SLC27A6: variants seen among roughly 807,000 people sequenced by gnomAD.
SLC27A6 encodes long-chain fatty acid transport protein 6.
In SLC27A6, 74 loss-of-function variants were observed where a neutral mutation model predicts 63.9. That is an observed-to-expected ratio of 1.16 (90% CI 0.96 to 1.40). SLC27A6 has a LOEUF of 1.40. Ranked by LOEUF, SLC27A6 falls within the 40% of genes most tolerant of loss-of-function variation. The pLI, the probability that SLC27A6 is intolerant of heterozygous loss-of-function variation, is 0.00. For synonymous variants in SLC27A6, 287 were observed against 260.8 expected (o/e 1.10, Z -0.97); for missense variants, 794 against 732.9 (o/e 1.08, Z -0.96).
rs936696720 is a variant in SLC27A6 at position 129,006,467 on chromosome 5, G to A, written c.970-9418G>A. On this transcript the variant is annotated intron_variant, in intron 4 of 9. Coordinates refer to ENST00000262462, the MANE Select transcript of SLC27A6 (RefSeq NM_001017372.3). ...CATGAGTGTGTGTGTGTGTGTGTGT[G>A]TGTGTGTGTGTGTGTGTTGTGTGTC... 1.2e-3 allele frequency among the ~76,000 whole-genome samples: 178 copies of A among 151,528 alleles called. 2 individuals carry two copies. The highest frequency in any genetic ancestry group is 4.1e-3 in the African/African-American group (169 of 41,302).
rs538154511 is a variant in SLC27A6, at chr5:129,028,467, A to G, written c.1552+25A>G. The G allele has an allele frequency of 6.5e-6, 9 of 1,386,900 alleles. No homozygotes were observed. The East Asian group carries it at 9.3e-5, about 14-fold the overall frequency. 85.9% of individuals were successfully genotyped at this position (1,386,900 alleles called of 1,614,324 possible). On this transcript the variant is annotated intron_variant, in intron 8 of 9. Transcript: ENST00000262462. ...GGTATAAATATATTTCAGATTTTGG[A>G]AAGATTCTTAGAATAGAATTGCCAC...
rs1193207750 is a variant in SLC27A6, at chr5:128,965,627, C to T, written c.-511C>T. ...CCCGGCTCGAATTCAGCCTCCAACT[C>T]AAGCTCGCGGGAAAGACTACCTGAG... On this transcript the variant is annotated 5_prime_UTR_variant, in exon 1 of 10. Coordinates refer to ENST00000262462, the MANE Select transcript of SLC27A6 (RefSeq NM_001017372.3). 1 of 153,046 alleles carries T rather than the reference C, an allele frequency of 6.5e-6. No homozygotes were observed. The highest frequency in any genetic ancestry group is 1.5e-5 in the Non-Finnish European group (1 of 68,652). The allele number at this position is 153,046 out of a possible 1,614,324, so 9.5% of individuals were successfully genotyped here.
In SLC27A6 at chr5:128,980,918, G is replaced by T. The variant is rs927157891; in HGVS notation, c.482-4215G>T. ...TAACTCATACTAATGGCATATTAGA[G>T]GGATACATAAAATTTTTACCCATAT... On this transcript the variant is annotated intron_variant, in intron 1 of 9. Transcript: ENST00000262462. Among the ~76,000 whole-genome samples the T allele has an allele frequency of 5.3e-5, 8 of 152,182 alleles. 1 individual carries two copies. Among genetic ancestry groups the T allele is most frequent in the Admixed American group, 4.6e-4 (7 of 15,282 alleles).
intron 4 of SLC27A6, among the ~76,000 whole-genome samples, chr5:128,993,423 C>T (rs1006942174): frequency 9.3e-5 from 14 of 150,156 alleles, no homozygotes; most frequent in African/African-American, 2.7e-4. Flanking sequence ...AAAGTAAATT[C>T]GATTATTTAC....
intron 5 of SLC27A6, among the ~76,000 whole-genome samples, chr5:129,020,942 CT>C (rs1227526606): frequency 6.6e-6 from 1 of 151,926 alleles, no homozygotes; most frequent in Admixed American, 6.6e-5. Flanking sequence ...AACAGCATTA[CT>C]TTCCTGGAAT....
intron 9 of SLC27A6, among the ~76,000 whole-genome samples, chr5:129,031,614 AT>A (rs1000970836): frequency 3.9e-5 from 6 of 151,952 alleles, no homozygotes; most frequent in South Asian, 4.1e-4. Flanking sequence ...TCTAAAACAC[AT>A]TTTTTATTTC....
chr5:128,988,594 T>G lies in SLC27A6; in HGVS notation c.686-6T>G. ...ATATATTTCCTGTTCTTTTCTTTTC[T>G]TCCAGGTCTACCAAAAGCAGCTGTG... is the stretch of plus-strand genomic sequence containing the variant. On this transcript the variant is annotated splice_polypyrimidine_tract_variant and splice_region_variant and intron_variant, in intron 2 of 9. Transcript: ENST00000262462. The G allele has an allele frequency of 6.2e-7, 1 of 1,613,030 alleles. No individual in the cohort carries two copies. Among genetic ancestry groups the G allele is most frequent in the Non-Finnish European group, 8.5e-7 (1 of 1,179,410 alleles).
intron 1 of SLC27A6, among the ~76,000 whole-genome samples, chr5:128,968,340 G>T (rs982998824): frequency 6.6e-6 from 1 of 152,122 alleles, no homozygotes; most frequent in Non-Finnish European, 1.5e-5. Context: ...TCACCACACC[G>T]TCTTCCACAA....
chr5:128,972,251 C>A (rs1750197444), intron 1 of SLC27A6, among the ~76,000 whole-genome samples: 1 of 152,090 alleles, frequency 6.6e-6, no homozygotes, highest in Non-Finnish European at 1.5e-5. Flanking sequence ...TGGGGTTGCT[C>A]TTCTTGTGGA....
chr5:128,968,835 G>GC (rs1373157174), intron 1 of SLC27A6, among the ~76,000 whole-genome samples: 1 of 152,114 alleles, frequency 6.6e-6, no homozygotes, highest in East Asian at 1.9e-4. Flanking sequence ...TGAAGTCCTT[G>GC]CCCATGCCTA....
At chr5:129,000,238 C>T (rs531147941) in intron 4 of SLC27A6, among the ~76,000 whole-genome samples, 1 of 152,252 alleles carries the variant, frequency 6.6e-6, no homozygotes, top group Admixed American at 6.5e-5. Context: ...ATGTTTCTTC[C>T]TAGAGCTTAT....
At chr5:129,024,534 T>C (rs1052128080) in intron 6 of SLC27A6, among the ~76,000 whole-genome samples, 10 of 152,060 alleles carry the variant, frequency 6.6e-5, no homozygotes, top group Admixed American at 2.0e-4. Context: ...CTGGGGGACC[T>C]GGTATGTGGC....
intron 4 of SLC27A6, among the ~76,000 whole-genome samples, chr5:129,014,487 C>T (rs1169060846): frequency 1.3e-5 from 2 of 152,140 alleles, no homozygotes; most frequent in East Asian, 3.8e-4. Flanking sequence ...AAAACATTTT[C>T]TGGAACAGGT....
chr5:129,003,545 C>T (rs1751417777), intron 4 of SLC27A6, among the ~76,000 whole-genome samples: 1 of 152,120 alleles, frequency 6.6e-6, no homozygotes, highest in South Asian at 2.1e-4. Flanking sequence ...GCTATGAAAG[C>T]CTTAGCAGTA....
intron 1 of SLC27A6, among the ~76,000 whole-genome samples, chr5:128,971,838 A>T (rs1361485166): frequency 6.6e-6 from 1 of 152,082 alleles, no homozygotes; most frequent in African/African-American, 2.4e-5. Flanking sequence ...TCTTTAGTTG[A>T]TGCAGTTTCT....
At chr5:128,969,129 G>T (rs770086263) in intron 1 of SLC27A6, among the ~76,000 whole-genome samples, 1 of 152,156 alleles carries the variant, frequency 6.6e-6, no homozygotes, top group Non-Finnish European at 1.5e-5. Context: ...CTATATCTCT[G>T]TTTTGGTACT....
intron 2 of SLC27A6, among the ~76,000 whole-genome samples, chr5:128,987,304 C>T (rs1267836064): frequency 2.0e-5 from 3 of 152,122 alleles, no homozygotes; most frequent in Non-Finnish European, 2.9e-5. Flanking sequence ...ATTCCCCCAA[C>T]AGAATGTCCT....
chr5:129,005,983 C>T (rs1751510071), intron 4 of SLC27A6, among the ~76,000 whole-genome samples: 1 of 150,746 alleles, frequency 6.6e-6, no homozygotes, highest in African/African-American at 2.5e-5. Context: ...CCCCTGCAGG[C>T]TGTAGTTTGC....
rs1215266286 is a variant in SLC27A6, at chr5:129,033,615, A to C, written c.*333A>C. On this transcript the variant is annotated 3_prime_UTR_variant, in exon 10 of 10. Transcript: ENST00000262462. ...TAAGTAAAATTTCTAATTTTGAATAAAAGATTAAATTTTACTGAAATATTT... is the reference window on the plus strand; with the variant it reads ...TAAGTAAAATTTCTAATTTTGAATACAAGATTAAATTTTACTGAAATATTT... 6.5e-6 allele frequency: 1 copy of C among 153,890 alleles called. No individual in the cohort carries two copies. The highest frequency in any genetic ancestry group is 2.4e-5 in the African/African-American group (1 of 41,506). 9.5% of individuals were successfully genotyped at this position (153,890 alleles called of 1,614,324 possible). A position where few individuals can be genotyped will look rare whatever the true frequency, so the allele number is the denominator to read the frequency against.
Sources: allele counts gnomAD v4.1 joint callset (sites outside exome capture counted in the v4.1 genomes callset), GRCh38; gene constraint gnomAD v4.1.1; transcripts MANE v1.5; gene names NCBI Gene and HGNC (gene_info 2026-07-23, HGNC 2026-07-21).